Variants in LOC128462377 observed in about 807,000 individuals in gnomAD.
the LOC128462377 span, among the ~76,000 whole-genome samples, chr16:89,340,969 G>A: frequency 6.6e-6 from 1 of 152,096 alleles, no homozygotes; most frequent in African/African-American, 2.4e-5. Context: ...AGTCCTGGAC[G>A]GACATTCTAC....
chr16:89,402,777 T>C, the LOC128462377 span, among the ~76,000 whole-genome samples: 1 of 125,884 alleles, frequency 7.9e-6, no homozygotes, highest in African/African-American at 3.0e-5. Flanking sequence ...AGGGGACAGC[T>C]CTGTGGGATG....
At chr16:89,402,142 G>C in the LOC128462377 span, among the ~76,000 whole-genome samples, 3 of 152,182 alleles carry the variant, frequency 2.0e-5, no homozygotes, top group East Asian at 5.8e-4. Flanking sequence ...ATAAGGCACT[G>C]AATCTGTGTA....
chr16:89,320,461 G>T, the LOC128462377 span: 1 of 152,348 alleles, frequency 6.6e-6, no homozygotes, highest in East Asian at 1.9e-4. Flanking sequence ...TGTGCTGAGC[G>T]GCAAGGCACA....
chr16:89,390,801 T>A, the LOC128462377 span, among the ~76,000 whole-genome samples: 1 of 151,804 alleles, frequency 6.6e-6, no homozygotes, highest in Non-Finnish European at 1.5e-5. Flanking sequence ...GGGGAGGAGG[T>A]TCCTGGAGCT....
At chr16:89,334,144 T>TAAAAAAAAA in the LOC128462377 span, among the ~76,000 whole-genome samples, 395 of 41,402 alleles carry the variant, frequency 9.5e-3, 83 homozygotes, top group African/African-American at 0.036. Context: ...CCCTGTGTTT[T>TAAAAAAAAA]AAAAAAAAAA....
the LOC128462377 span, among the ~76,000 whole-genome samples, chr16:89,325,497 A>T: frequency 1.3e-5 from 2 of 151,180 alleles, no homozygotes. Flanking sequence ...ACACACACAG[A>T]GTAATAATGT....
chr16:89,390,046 A>G, the LOC128462377 span, among the ~76,000 whole-genome samples: 1 of 78,844 alleles, frequency 1.3e-5, no homozygotes, highest in Admixed American at 1.2e-4. Context: ...GCACCGAGAG[A>G]AAGAAGATCA....
the LOC128462377 span, among the ~76,000 whole-genome samples, chr16:89,386,341 C>T: frequency 9.9e-5 from 15 of 152,198 alleles, no homozygotes; most frequent in East Asian, 7.7e-4. Flanking sequence ...GAGGGCAGCA[C>T]GACCAATTCC....
the LOC128462377 span, among the ~76,000 whole-genome samples, chr16:89,385,411 G>A: frequency 2.6e-5 from 4 of 152,130 alleles, no homozygotes; most frequent in African/African-American, 7.2e-5. Context: ...TTACAGGCGT[G>A]AGCCACCGGA....
At chr16:89,366,653 G>C in the LOC128462377 span, among the ~76,000 whole-genome samples, 1 of 152,150 alleles carries the variant, frequency 6.6e-6, no homozygotes, top group Admixed American at 6.5e-5. Context: ...GCTGTTTCCT[G>C]TATCTGTCAT....
the LOC128462377 span, among the ~76,000 whole-genome samples, chr16:89,408,237 T>A: frequency 6.6e-6 from 1 of 152,202 alleles, no homozygotes; most frequent in African/African-American, 2.4e-5. Flanking sequence ...CCAGCGCTGT[T>A]CCCTCAGAAG....
chr16:89,351,050 T>A, the LOC128462377 span, among the ~76,000 whole-genome samples: 2 of 152,112 alleles, frequency 1.3e-5, no homozygotes, highest in Non-Finnish European at 2.9e-5. Context: ...TCAGGATGCA[T>A]CCCCCGACCG....
At chr16:89,332,228 G>A in the LOC128462377 span, among the ~76,000 whole-genome samples, 1 of 152,082 alleles carries the variant, frequency 6.6e-6, no homozygotes, top group South Asian at 2.1e-4. Flanking sequence ...CACAATAAAG[G>A]ATCATTTTAC....
chr16:89,389,342 C>T, the LOC128462377 span, among the ~76,000 whole-genome samples: 1 of 151,762 alleles, frequency 6.6e-6, no homozygotes, highest in Admixed American at 6.6e-5. Context: ...TTGCTGTAAA[C>T]CTAAAATTTT....
chr16:89,334,375 C>CA, the LOC128462377 span, among the ~76,000 whole-genome samples: 8 of 152,012 alleles, frequency 5.3e-5, no homozygotes, highest in African/African-American at 1.7e-4. Context: ...ACAGAAACAA[C>CA]CTCCTCTCAG....
the LOC128462377 span, among the ~76,000 whole-genome samples, chr16:89,386,286 T>A: frequency 1.3e-5 from 2 of 152,124 alleles, no homozygotes; most frequent in African/African-American, 2.4e-5. Flanking sequence ...TTTTTTTTTT[T>A]AAAGCTTGAT....
At chr16:89,389,946 C>A in the LOC128462377 span, among the ~76,000 whole-genome samples, 6 of 75,322 alleles carry the variant, frequency 8.0e-5, no homozygotes, top group African/African-American at 1.8e-4. Flanking sequence ...CGGGGAGCAC[C>A]GAGAGAGAAG....
chr16:89,389,393 T>G, the LOC128462377 span, among the ~76,000 whole-genome samples: 2 of 151,712 alleles, frequency 1.3e-5, no homozygotes, highest in African/African-American at 4.8e-5. Context: ...CCTGGGCATG[T>G]AAATAAGAAA....
the LOC128462377 span, among the ~76,000 whole-genome samples, chr16:89,353,875 G>C: frequency 4.6e-3 from 708 of 152,340 alleles, 5 homozygotes; most frequent in African/African-American, 0.016. Context: ...AAACAAGACA[G>C]AGCAGCCTCT....
Sources: allele counts gnomAD v4.1 joint callset (sites outside exome capture counted in the v4.1 genomes callset), GRCh38; gene constraint gnomAD v4.1.1; transcripts MANE v1.5.